PSEN1: variants seen among roughly 807,000 people sequenced by gnomAD.
PSEN1 encodes presenilin 1.
PSEN1 carries 15 observed loss-of-function variants against 53.5 expected under a neutral mutation model. That is an observed-to-expected ratio of 0.28 (90% CI 0.19 to 0.43). PSEN1 has a LOEUF of 0.43. Among genes scored for constraint, PSEN1 ranks in the 20% least tolerant of loss-of-function variants. PSEN1 has a pLI of 1.00. For synonymous variants in PSEN1, 208 were observed against 209.8 expected, an observed-to-expected ratio of 0.99 and a Z score of 0.08; for missense variants, 387 against 571.2, an observed-to-expected ratio of 0.68 and a Z score of 3.29.
At chr14:73,216,355 T>C (rs1899912777) in intron 10 of PSEN1, among the ~76,000 whole-genome samples, 1 of 152,212 alleles carries the variant, frequency 6.6e-6, no homozygotes, top group Admixed American at 6.5e-5. Context: ...GATAGTTAAA[T>C]TGTACAGCTC....
chr14:73,173,127 A>C (rs1897939255), intron 4 of PSEN1, among the ~76,000 whole-genome samples: 1 of 152,170 alleles, frequency 6.6e-6, no homozygotes, highest in Non-Finnish European at 1.5e-5. Context: ...ATCTTAAGAC[A>C]ACTCCAGTTG....
intron 5 of PSEN1, among the ~76,000 whole-genome samples, chr14:73,182,346 A>C (rs1898243808): frequency 6.6e-6 from 1 of 152,004 alleles, no homozygotes; most frequent in South Asian, 2.1e-4. Flanking sequence ...TTAAAAAATT[A>C]GCCAGGCATG....
intron 5 of PSEN1, among the ~76,000 whole-genome samples, chr14:73,175,470 A>G (rs1344821963): frequency 6.6e-6 from 1 of 151,708 alleles, no homozygotes; most frequent in Non-Finnish European, 1.5e-5. Flanking sequence ...AGTAAGACCT[A>G]TCTCTACCAA....
chr14:73,147,385 C>T (rs1408211150), intron 1 of PSEN1: 2 of 154,386 alleles, frequency 1.3e-5, no homozygotes, highest in Admixed American at 1.3e-4. Context: ...AGCATGTTAT[C>T]TGTCCGTCCT....
intron 3 of PSEN1, among the ~76,000 whole-genome samples, chr14:73,152,761 C>T (rs1227181506): frequency 2.0e-5 from 3 of 151,128 alleles, no homozygotes; most frequent in African/African-American, 2.4e-5. Context: ...AAGAAATATT[C>T]GCTGGGCATG....
chr14:73,222,507 A>G lies in PSEN1; in HGVS notation c.*3218A>G, dbSNP rs1900136657. 1 of 152,064 alleles carries G rather than the reference A, an allele frequency of 6.6e-6. No individual in the cohort carries two copies. Among genetic ancestry groups the G allele is most frequent in the Non-Finnish European group, 1.5e-5 (1 of 68,022 alleles). The allele number at this position is 152,064 out of a possible 1,614,324, so 9.4% of individuals were successfully genotyped here. On this transcript the variant is annotated 3_prime_UTR_variant, in exon 12 of 12. Coordinates refer to ENST00000324501, the MANE Select transcript of PSEN1 (RefSeq NM_000021.4). The stretch of plus-strand genomic sequence containing the variant: ...TGACTGCGGGAAGCCTTTGATCCCA[A>G]CCCCCAAGGCTTTGTATATTTGATC...
rs1414093943 is a variant in PSEN1, at chr14:73,184,718, A to G, written c.481-2135A>G. On this transcript the variant is annotated intron_variant, in intron 5 of 11. Transcript: ENST00000324501. The stretch of plus-strand genomic sequence containing the variant: ...GCTGACCCCCCCACCTCCCTCCCGG[A>G]TGGGGCGGCTGGCCTGGCGGGGGGC... Among the ~76,000 whole-genome samples, 23 of 144,970 alleles carry G rather than the reference A, an allele frequency of 1.6e-4. No individual in the cohort carries two copies. In the South Asian group the frequency reaches 5.0e-3, roughly 32 times the overall value.
rs1427629672 is a variant in PSEN1, at chr14:73,181,662, T to G, written c.481-5191T>G. 2.0e-5 allele frequency among the ~76,000 whole-genome samples: 3 copies of G among 152,194 alleles called. No individual in the cohort carries two copies. In the East Asian group the frequency reaches 5.8e-4, roughly 29 times the overall value. On this transcript the variant is annotated intron_variant, in intron 5 of 11. Coordinates refer to ENST00000324501, the MANE Select transcript of PSEN1 (RefSeq NM_000021.4). ...AATATGTTTGTAATAAAAGATTACA[T>G]TTGTGAAAGCAGAATGTAAACAGTA...
At chr14:73,214,764 T>C (rs1899843318) in intron 10 of PSEN1, among the ~76,000 whole-genome samples, 1 of 152,036 alleles carries the variant, frequency 6.6e-6, no homozygotes, top group African/African-American at 2.4e-5. Flanking sequence ...AGACTGGTGG[T>C]TGCCAGGGGT....
At chr14:73,157,188 T>C (rs146833389) in intron 3 of PSEN1, among the ~76,000 whole-genome samples, 4,136 of 151,758 alleles carry the variant, frequency 0.027, 190 homozygotes, top group African/African-American at 0.09. Flanking sequence ...TGCAGTGGCA[T>C]GATCTTGGCT....
chr14:73,187,072 A>T (rs1035850596), intron 6 of PSEN1, 152 bp downstream of exon 6: 2 of 680,226 alleles, frequency 2.9e-6, no homozygotes, highest in Non-Finnish European at 5.2e-6. Context: ...AAGACTAGTC[A>T]GTATTACTAA....
intron 5 of PSEN1, among the ~76,000 whole-genome samples, chr14:73,181,235 A>C (rs1159921024): frequency 6.6e-6 from 1 of 151,966 alleles, no homozygotes; most frequent in Admixed American, 6.6e-5. Context: ...AGGTCAGAAG[A>C]TCGAGACCAG....
intron 6 of PSEN1, among the ~76,000 whole-genome samples, chr14:73,187,539 A>C (rs974573302): frequency 6.6e-6 from 1 of 152,196 alleles, no homozygotes; most frequent in Non-Finnish European, 1.5e-5. Flanking sequence ...CAGACAGAAG[A>C]AGCAAATATG....
chr14:73,149,336 AT>A (rs1358936352), intron 3 of PSEN1, among the ~76,000 whole-genome samples: 21 of 150,532 alleles, frequency 1.4e-4, no homozygotes, highest in African/African-American at 4.9e-4. Flanking sequence ...TTTTTTTTTA[AT>A]TTTCCCACAG....
intron 1 of PSEN1, among the ~76,000 whole-genome samples, chr14:73,138,858 T>TCGGGA (rs1896828677): frequency 2.7e-5 from 4 of 150,190 alleles, no homozygotes; most frequent in African/African-American, 7.4e-5. Context: ...TCCCAGCTAC[T>TCGGGA]CGGGAGGCTG....
intron 5 of PSEN1, among the ~76,000 whole-genome samples, chr14:73,177,169 C>G (rs911254244): frequency 1.3e-5 from 2 of 152,176 alleles, no homozygotes; most frequent in African/African-American, 4.8e-5. Flanking sequence ...TCTCCCATTA[C>G]TTCTTGGGAA....
intron 8 of PSEN1, among the ~76,000 whole-genome samples, chr14:73,202,462 ATTTTTTTTTTTTTTTT>A (rs1166113102): frequency 1.7e-4 from 2 of 11,528 alleles, no homozygotes; most frequent in East Asian, 3.5e-3. Context: ...ATATATATAT[ATTTTTTTTTTTTTTTT>A]TTTTTTTTTT....
chr14:73,148,268 G>A (rs953033424), intron 3 of PSEN1, among the ~76,000 whole-genome samples, 162 bp downstream of exon 3: 7 of 152,208 alleles, frequency 4.6e-5, no homozygotes, highest in Non-Finnish European at 1.0e-4. Flanking sequence ...ACACAGGGCT[G>A]TTTAACACAT....
intron 1 of PSEN1, among the ~76,000 whole-genome samples, chr14:73,140,948 T>G (rs1447590533): frequency 6.6e-6 from 1 of 152,136 alleles, no homozygotes; most frequent in Non-Finnish European, 1.5e-5. Flanking sequence ...CAGTTCTTAT[T>G]TGTATGCCTT....
Sources: allele counts gnomAD v4.1 joint callset (sites outside exome capture counted in the v4.1 genomes callset), GRCh38; gene constraint gnomAD v4.1.1; transcripts MANE v1.5; gene names NCBI Gene and HGNC (gene_info 2026-07-23, HGNC 2026-07-21).